GNG12: variants seen among roughly 807,000 people sequenced by gnomAD.
GNG12 encodes G protein subunit gamma 12.
For missense variants in GNG12, 69 were observed against 83.8 expected (o/e 0.82, Z 0.69); for synonymous variants, 28 against 29.7 (o/e 0.94, Z 0.19).
intron 1 of GNG12, among the ~76,000 whole-genome samples, chr1:67,805,662 A>C (rs755588351): frequency 2.0e-5 from 3 of 152,168 alleles, no homozygotes; most frequent in Non-Finnish European, 4.4e-5. Context: ...GGATTATGGC[A>C]TGTCTACAAA....
At chr1:67,745,163 A>G (rs768656907) in intron 2 of GNG12, among the ~76,000 whole-genome samples, 9 of 152,230 alleles carry the variant, frequency 5.9e-5, no homozygotes, top group Non-Finnish European at 1.0e-4. Flanking sequence ...TTTCTCTTGT[A>G]TGGGTACTTA....
At chr1:67,709,854 A>ATATATATAGTTATATATATATT (rs1557591684) in intron 2 of GNG12, among the ~76,000 whole-genome samples, 7 of 121,562 alleles carry the variant, frequency 5.8e-5, no homozygotes, top group African/African-American at 2.4e-4. Flanking sequence ...ATATATATTT[A>ATATATATAGTTATATATATATT]TATATATATA....
intron 2 of GNG12, among the ~76,000 whole-genome samples, chr1:67,747,110 TA>T (rs1646512071): frequency 6.6e-6 from 1 of 152,204 alleles, no homozygotes; most frequent in Non-Finnish European, 1.5e-5. Flanking sequence ...TTTAAAAGCA[TA>T]AAGAATCTTT....
chr1:67,809,775 C>T lies in GNG12; in HGVS notation c.-77+23569G>A, dbSNP rs1646913167. On this transcript the variant is annotated intron_variant, in intron 1 of 3. Transcript: ENST00000370982. Reference sequence around the variant, plus strand: ...GCCAAAATCCAAAACACTGATGGCACCAAATGCTGGTGAAGATGTGGAGCA... The same window carrying T: ...GCCAAAATCCAAAACACTGATGGCATCAAATGCTGGTGAAGATGTGGAGCA... Among the ~76,000 whole-genome samples, 3 of 152,094 alleles carry T rather than the reference C, an allele frequency of 2.0e-5. No homozygotes were observed. In the South Asian group the frequency reaches 6.2e-4, roughly 32 times the overall value.
At chr1:67,710,116 ATATATATAGT>A (rs1557592270) in intron 2 of GNG12, among the ~76,000 whole-genome samples, 17 of 21,826 alleles carry the variant, frequency 7.8e-4, no homozygotes, top group South Asian at 1.7e-3. Context: ...ATATATAGTT[ATATATATAGT>A]TATATATATA....
intron 2 of GNG12, among the ~76,000 whole-genome samples, chr1:67,761,172 T>G (rs115509321): frequency 6.6e-6 from 1 of 152,198 alleles, no homozygotes; most frequent in African/African-American, 2.4e-5. Flanking sequence ...AAGAGTCTAG[T>G]GTTCCCTCTC....
chr1:67,728,691 T>C (rs1035222407), intron 2 of GNG12, among the ~76,000 whole-genome samples: 1 of 152,094 alleles, frequency 6.6e-6, no homozygotes, highest in Non-Finnish European at 1.5e-5. Flanking sequence ...GACTTCACAA[T>C]TGGGGACCAG....
chr1:67,737,609 T>C (rs1646459519), intron 2 of GNG12, among the ~76,000 whole-genome samples: 1 of 149,754 alleles, frequency 6.7e-6, no homozygotes, highest in Non-Finnish European at 1.5e-5. Flanking sequence ...ATGAAGACTT[T>C]CTTTTTTTTT....
chr1:67,765,756 T>A (rs993021421), intron 2 of GNG12, among the ~76,000 whole-genome samples: 2 of 152,216 alleles, frequency 1.3e-5, no homozygotes, highest in Non-Finnish European at 2.9e-5. Flanking sequence ...GCGAATAAAC[T>A]AGCAGGACTA....
intron 1 of GNG12, among the ~76,000 whole-genome samples, chr1:67,786,806 A>G (rs983796838): frequency 6.6e-6 from 1 of 151,998 alleles, no homozygotes; most frequent in African/African-American, 2.4e-5. Context: ...GCATGATGGC[A>G]CGTGCCTGTA....
intron 1 of GNG12, among the ~76,000 whole-genome samples, chr1:67,825,001 G>A (rs1185655352): frequency 6.6e-6 from 1 of 152,194 alleles, no homozygotes; most frequent in African/African-American, 2.4e-5. Context: ...CAGCCTGCCA[G>A]GAGCATTGAT....
chr1:67,798,761 C>A (rs924350474), intron 1 of GNG12, among the ~76,000 whole-genome samples: 1 of 152,088 alleles, frequency 6.6e-6, no homozygotes, highest in African/African-American at 2.4e-5. Flanking sequence ...CGAGACCATC[C>A]TGGCCAACAT....
intron 2 of GNG12, among the ~76,000 whole-genome samples, chr1:67,758,577 A>G (rs1009423268): frequency 6.6e-6 from 1 of 152,230 alleles, no homozygotes; most frequent in Non-Finnish European, 1.5e-5. Context: ...ACACATTGAT[A>G]GTACAGCAGA....
intron 1 of GNG12, among the ~76,000 whole-genome samples, chr1:67,792,736 G>T (rs1035773157): frequency 1.2e-4 from 19 of 152,106 alleles, no homozygotes. Context: ...AACTTTTGTT[G>T]TATGGTTCCA....
At chr1:67,766,605 GTT>G (rs746565686) in intron 2 of GNG12, among the ~76,000 whole-genome samples, 3 of 138,642 alleles carry the variant, frequency 2.2e-5, no homozygotes, top group African/African-American at 2.6e-5. Context: ...ATATGTTGGT[GTT>G]TTTTTTTTTT....
intron 1 of GNG12, chr1:67,832,533 C>G (rs1170815756): frequency 9.2e-5 from 14 of 152,066 alleles, no homozygotes; most frequent in Admixed American, 9.2e-4. Context: ...TTAAAGTTAG[C>G]TTTAATTGAT....
At chr1:67,783,058 T>A (rs925068926) in intron 1 of GNG12, among the ~76,000 whole-genome samples, 9 of 152,308 alleles carry the variant, frequency 5.9e-5, no homozygotes, top group Admixed American at 5.2e-4. Context: ...GGGCTAATAT[T>A]ACCTTTTGTA....
chr1:67,791,350 ACT>A (rs1461237312), intron 1 of GNG12, among the ~76,000 whole-genome samples: 1 of 151,858 alleles, frequency 6.6e-6, no homozygotes, highest in Non-Finnish European at 1.5e-5. Flanking sequence ...AAATCTGATG[ACT>A]CTCAAATCTC....
chr1:67,777,898 G>C (rs1481013492), intron 1 of GNG12, among the ~76,000 whole-genome samples: 5 of 152,160 alleles, frequency 3.3e-5, no homozygotes, highest in African/African-American at 1.2e-4. Flanking sequence ...AACATAACTT[G>C]AAGGGCAGAG....
Sources: gnomAD v4.1 joint callset for allele counts (sites outside exome capture counted in the v4.1 genomes callset) on GRCh38, gnomAD v4.1.1 for gene constraint, MANE v1.5 for transcripts, NCBI Gene and HGNC (gene_info 2026-07-23, HGNC 2026-07-21) for gene names.